CDCA3: variants seen among roughly 807,000 people sequenced by gnomAD.
The protein encoded by CDCA3 is cell division cycle-associated protein 3.
Under a neutral mutation model 29.1 loss-of-function variants are expected in CDCA3, and 16 were observed. That is an observed-to-expected ratio of 0.55 (90% CI 0.37 to 0.83). CDCA3 has a LOEUF of 0.83. Among genes scored for constraint, CDCA3 ranks in the 40% least tolerant of loss-of-function variants. The pLI, the probability that CDCA3 is intolerant of heterozygous loss-of-function variation, is 0.00. For missense variants in CDCA3, 291 were observed against 327.2 expected (o/e 0.89, Z 0.85); for synonymous variants, 88 against 124.5 (o/e 0.71, Z 1.95).
At chr12:6,848,541 T>C (rs1009568695), downstream of CDCA3, 3 of 152,928 alleles carry the variant, frequency 2.0e-5, no homozygotes, top group Admixed American at 2.0e-4. Flanking sequence ...GGGAAGATCA[T>C]AAATTCAGTT....
downstream of CDCA3, chr12:6,845,281 GGACAACC>G: frequency 2.8e-6 from 1 of 362,872 alleles, no homozygotes; most frequent in Non-Finnish European, 5.2e-6. Flanking sequence ...TGGGAGTCTG[GGACAACC>G]TCCGTCCGCC....
At chr12:6,846,688 T>TAC (rs782215016), downstream of CDCA3, 167 of 629,546 alleles carry the variant, frequency 2.7e-4, no homozygotes, top group Non-Finnish European at 4.4e-4. Flanking sequence ...CACACCCACA[T>TAC]ACACACACAC....
downstream of CDCA3, chr12:6,848,711 C>A: frequency 3.3e-6 from 1 of 302,228 alleles, no homozygotes; most frequent in East Asian, 8.0e-5. Context: ...ATAGGGACAC[C>A]ATGGTTAAAG....
In CDCA3 at chr12:6,849,714, A is replaced by G. The variant is rs376208679; in HGVS notation, c.395T>C (p.Val132Ala). 5 of 1,613,992 alleles carry G rather than the reference A, an allele frequency of 3.1e-6. No homozygotes were observed. The highest frequency in any genetic ancestry group is 2.2e-5 in the East Asian group (1 of 44,892). ...LDLPLGTQLS[V>A]EEQMPPWNQT... ...GTTCCAAGGTGGCATCTGTTCCTCA[A>G]CAGATAACTGGGTACCCAGAGGCAA... The change falls in exon 4 of 6, where the codon GTT becomes GCT. Residue 132 changes from valine (V) to alanine (A), a missense_variant. Transcript: ENST00000538862. The surrounding 1 kb of genome is among the most constrained non-coding windows in gnomAD (Gnocchi z 5.2).
rs1943849361 is a variant in CDCA3 at position 6,850,791 on chromosome 12, A to T, written c.120+42T>A. 1 of 1,607,214 alleles carries T rather than the reference A, an allele frequency of 6.2e-7. No homozygotes were observed. The highest frequency in any genetic ancestry group is 8.5e-7 in the Non-Finnish European group (1 of 1,176,122). On this transcript the variant is annotated intron_variant, in intron 2 of 5. Coordinates refer to ENST00000538862, the MANE Select transcript of CDCA3 (RefSeq NM_031299.7). This position sits in a 1 kb window ranked among gnomAD's most constrained non-coding sequence, Gnocchi z 4.7. ...AAATCAGGTTAGGAAGAGACCCAAG[A>T]ATTCAGACATTCTCTGCCTTTCCCA...
At chr12:6,847,749 G>A (rs1555125092), downstream of CDCA3, among the ~76,000 whole-genome samples, 1 of 152,216 alleles carries the variant, frequency 6.6e-6, no homozygotes, top group East Asian at 1.9e-4. Context: ...AACATGATCA[G>A]TTATGCTTCT....
At chr12:6,846,239 TCTC>T (rs2137993534), downstream of CDCA3, 1 of 180,474 alleles carries the variant, frequency 5.5e-6, no homozygotes, top group African/African-American at 2.4e-5. Context: ...GATGGCTTCT[TCTC>T]TATCAAGAGG....
chr12:6,849,036 G>A lies in CDCA3; in HGVS notation c.*7C>T, dbSNP rs1943763937. 1 of 893,202 alleles carries A rather than the reference G, an allele frequency of 1.1e-6. No homozygotes were observed. Among genetic ancestry groups the A allele is most frequent in the African/African-American group, 1.6e-5 (1 of 61,138 alleles). 55.3% of individuals were successfully genotyped at this position (893,202 alleles called of 1,614,324 possible). ...TGGGTGACTGCATTGCTGGGGCCAT[G>A]CAGGGCCTAGCTCTCCACCAAGGGA... is the stretch of plus-strand genomic sequence containing the variant. On this transcript the variant is annotated 3_prime_UTR_variant, in exon 6 of 6. Transcript: ENST00000538862. The surrounding 1 kb of genome is among the most constrained non-coding windows in gnomAD (Gnocchi z 5.2).
In CDCA3 at chr12:6,850,743, G is replaced by A. The variant is rs1443286972; in HGVS notation, c.120+90C>T. ...TGCAGAAAATAAGGCTAGGATAAGG[G>A]TGGGGTCATGACGGCTCTCTCAAAA... On this transcript the variant is annotated intron_variant, in intron 2 of 5. Coordinates refer to ENST00000538862, the MANE Select transcript of CDCA3 (RefSeq NM_031299.7). The surrounding 1 kb of genome is among the most constrained non-coding windows in gnomAD (Gnocchi z 4.7). 9 of 1,575,848 alleles carry A rather than the reference G, an allele frequency of 5.7e-6. No individual in the cohort carries two copies. The African/African-American group carries it at 9.4e-5, about 17-fold the overall frequency.
downstream of CDCA3, chr12:6,845,346 C>T (rs781793084): frequency 2.3e-4 from 118 of 504,268 alleles, 3 homozygotes; most frequent in South Asian, 2.8e-3. Flanking sequence ...TTGCCTGCGA[C>T]GTGGAAATGA....
In CDCA3 at chr12:6,850,356, A is replaced by C; in HGVS notation, c.250+111T>G. The C allele has an allele frequency of 7.2e-7, 1 of 1,384,706 alleles. No homozygotes were observed. The highest frequency in any genetic ancestry group is 1.0e-6 in the Non-Finnish European group (1 of 993,616). The allele number at this position is 1,384,706 out of a possible 1,614,324, so 85.8% of individuals were successfully genotyped here. ...TTGAGATAAGAGTGAGATGGGTCCGAAGCAGGAGGATAGAGGCCCCTTTAA... is the reference window on the plus strand; with the variant it reads ...TTGAGATAAGAGTGAGATGGGTCCGCAGCAGGAGGATAGAGGCCCCTTTAA... On this transcript the variant is annotated intron_variant, in intron 3 of 5. Transcript: ENST00000538862. This position sits in a 1 kb window ranked among gnomAD's most constrained non-coding sequence, Gnocchi z 4.7.
rs1555126282 is a variant in CDCA3, at chr12:6,850,793, T to C, written c.120+40A>G. The stretch of plus-strand genomic sequence containing the variant: ...ATCAGGTTAGGAAGAGACCCAAGAA[T>C]TCAGACATTCTCTGCCTTTCCCACG... On this transcript the variant is annotated intron_variant, in intron 2 of 5. Coordinates refer to ENST00000538862, the MANE Select transcript of CDCA3 (RefSeq NM_031299.7). This position sits in a 1 kb window ranked among gnomAD's most constrained non-coding sequence, Gnocchi z 4.7. 1 of 1,607,884 alleles carries C rather than the reference T, an allele frequency of 6.2e-7. No homozygotes were observed.
At chr12:6,846,548 CTT>C (rs560377084), downstream of CDCA3, 56 of 416,470 alleles carry the variant, frequency 1.3e-4, no homozygotes, top group South Asian at 2.4e-3. Context: ...CTTTCAGTCT[CTT>C]AGCCTTCTTC....
chr12:6,849,835 G>T lies in CDCA3; in HGVS notation c.274C>A (p.Gln92Lys), dbSNP rs370001043. ...TCAGTTTCAAATACTTCACTCAGCTGTTTCACCAGTGGGCTTGGGGGGTCT... is the reference window on the plus strand; with the variant it reads ...TCAGTTTCAAATACTTCACTCAGCTTTTTCACCAGTGGGCTTGGGGGGTCT... Reference protein sequence around the residue: ...SGDPPSPLVKQLSEVFETEDS... With the variant: ...SGDPPSPLVKKLSEVFETEDS... Residue 92 changes from glutamine to lysine, a missense_variant, in exon 4 of 6, where the codon CAG becomes AAG. By Grantham distance (53) the Gln-to-Lys change is moderately conservative. Transcript: ENST00000538862. The surrounding 1 kb of genome is among the most constrained non-coding windows in gnomAD (Gnocchi z 5.2). 4 of 1,548,776 alleles carry T rather than the reference G, an allele frequency of 2.6e-6. No homozygotes were observed. The highest frequency in any genetic ancestry group is 2.6e-6 in the Non-Finnish European group (3 of 1,145,152).
In CDCA3 at chr12:6,849,858, T is replaced by A. The variant is rs1943797168; in HGVS notation, c.251A>T (p.Asp84Val). The change falls in exon 4 of 6, where the codon GAC becomes GTC. Residue 84 changes from aspartate (D) to valine (V), a missense_variant and splice_region_variant. Transcript: ENST00000538862. This position sits in a 1 kb window ranked among gnomAD's most constrained non-coding sequence, Gnocchi z 5.2. ...ARTPMKTSSG[D>V]PPSPLVKQLS... is the part of the protein sequence containing the mutation. ...CTGTTTCACCAGTGGGCTTGGGGGG[T>A]CTAGAGGAAGAAAGTGAAGTGAACA... 1 of 1,520,882 alleles carries A rather than the reference T, an allele frequency of 6.6e-7. No individual in the cohort carries two copies. The highest frequency in any genetic ancestry group is 2.2e-5 in the Admixed American group (1 of 46,202). 94.2% of individuals were successfully genotyped at this position (1,520,882 alleles called of 1,614,324 possible).
intron 1 of CDCA3, 74 bp from the exon 2 acceptor site, chr12:6,851,083 C>A: frequency 4.2e-6 from 6 of 1,426,700 alleles, no homozygotes; most frequent in East Asian, 2.5e-5. Context: ...ACCCTGTCTT[C>A]CCAGTTTCCA....
In CDCA3 at chr12:6,851,268, T is replaced by G; in HGVS notation, c.-104A>C. 4.4e-6 allele frequency: 5 copies of G among 1,129,626 alleles called. No individual in the cohort carries two copies. The highest frequency in any genetic ancestry group is 5.4e-6 in the Non-Finnish European group (5 of 918,342). 70.0% of individuals were successfully genotyped at this position (1,129,626 alleles called of 1,614,324 possible). The stretch of plus-strand genomic sequence containing the variant: ...GATGCACAACAGCTCGTGGCTCAAC[T>G]CCCGAAGTTACCAGTTTCAAACTTC... On this transcript the variant is annotated 5_prime_UTR_variant, in exon 1 of 6. Transcript: ENST00000538862.
At chr12:6,846,094 G>T, downstream of CDCA3, 1 of 389,238 alleles carries the variant, frequency 2.6e-6, no homozygotes, top group South Asian at 3.6e-5. Context: ...TGGCATTTCA[G>T]GGGCACCCAC....
At chr12:6,847,222 C>T (rs1354507895), downstream of CDCA3, 3 of 336,798 alleles carry the variant, frequency 8.9e-6, no homozygotes, top group Non-Finnish European at 1.7e-5. Context: ...CCCTAGGATT[C>T]CTCCCCCAGA....
Sources: gnomAD v4.1 joint callset for allele counts (sites outside exome capture counted in the v4.1 genomes callset) on GRCh38, gnomAD v4.1.1 for gene constraint, Gnocchi (gnomAD v3.1) non-coding constraint, MANE v1.5 for transcripts, NCBI Gene and HGNC (gene_info 2026-07-23, HGNC 2026-07-21) for gene names.